Variants in CEP128 observed in about 807,000 individuals in gnomAD.
CEP128 encodes the protein centrosomal protein 128kDa.
In CEP128, 132 loss-of-function variants were observed where a neutral mutation model predicts 156.7. The ratio of observed to expected loss-of-function variants is 0.84; its 90% confidence interval spans 0.73 to 0.97. The LOEUF (loss-of-function observed/expected upper bound fraction) is 0.97, where lower values mean the gene tolerates loss of function less well. Ranked by LOEUF, CEP128 falls within the 50% of genes least tolerant of loss-of-function variation. CEP128 has a pLI of 0.00. For missense variants in CEP128, 1,252 were observed against 1,281.9 expected (o/e 0.98, Z 0.36); for synonymous variants, 469 against 448.9 (o/e 1.04, Z -0.57).
chr14:80,559,967 T>C (rs530601659), intron 20 of CEP128, among the ~76,000 whole-genome samples: 4 of 152,338 alleles, frequency 2.6e-5, no homozygotes, highest in South Asian at 2.1e-4. Context: ...CTCAACTCCA[T>C]AGTTGTATTC....
intron 13 of CEP128, among the ~76,000 whole-genome samples, chr14:80,820,814 T>A (rs1885123912): frequency 6.6e-6 from 1 of 152,242 alleles, no homozygotes; most frequent in Admixed American, 6.5e-5. Context: ...TCTCTTCCTT[T>A]AATGAGAATT....
chr14:80,629,290 T>C (rs1442622420), intron 19 of CEP128, among the ~76,000 whole-genome samples: 1 of 152,170 alleles, frequency 6.6e-6, no homozygotes, highest in East Asian at 1.9e-4. Context: ...CTGTAAAATA[T>C]ACATAAGAAT....
chr14:80,702,480 G>A (rs1376442137), intron 19 of CEP128, among the ~76,000 whole-genome samples: 1 of 152,084 alleles, frequency 6.6e-6, no homozygotes, highest in African/African-American at 2.4e-5. Flanking sequence ...ACTGAGTGAT[G>A]TCTAATGAGA....
At chr14:80,904,314 A>T (rs187624151) in intron 6 of CEP128, among the ~76,000 whole-genome samples, 6 of 152,206 alleles carry the variant, frequency 3.9e-5, no homozygotes, top group African/African-American at 1.2e-4. Flanking sequence ...ATAGAGTAGA[A>T]TAATGGTTAC....
rs142562879 is a variant in CEP128 at position 80,723,562 on chromosome 14, G to A, written c.2806+19513C>T. On this transcript the variant is annotated intron_variant, in intron 19 of 24. Coordinates refer to ENST00000555265, the MANE Select transcript of CEP128 (RefSeq NM_152446.5). ...TGAAAACTTTGAACCATAAATTATAGAGGGAAATCTAGCATAATGGTAGAA... is the reference window on the plus strand; with the variant it reads ...TGAAAACTTTGAACCATAAATTATAAAGGGAAATCTAGCATAATGGTAGAA... 3.3e-5 allele frequency among the ~76,000 whole-genome samples: 5 copies of A among 152,276 alleles called. No individual in the cohort carries two copies. The South Asian group carries it at 1.0e-3, about 32-fold the overall frequency.
intron 21 of CEP128, among the ~76,000 whole-genome samples, chr14:80,537,110 T>C (rs887413322): frequency 6.6e-6 from 1 of 152,162 alleles, no homozygotes; most frequent in African/African-American, 2.4e-5. Context: ...ACAGGTAACA[T>C]ATCTTCACTG....
chr14:80,625,445 T>G (rs1447948333), intron 19 of CEP128, among the ~76,000 whole-genome samples: 3 of 152,166 alleles, frequency 2.0e-5, no homozygotes, highest in Non-Finnish European at 4.4e-5. Flanking sequence ...TTTGGGTTGT[T>G]CATGCCTCTA....
chr14:80,697,750 T>C (rs1896938395), intron 19 of CEP128, among the ~76,000 whole-genome samples: 1 of 152,004 alleles, frequency 6.6e-6, no homozygotes, highest in Non-Finnish European at 1.5e-5. Context: ...CTTTGTTTTA[T>C]CTTATTAAAC....
intron 13 of CEP128, among the ~76,000 whole-genome samples, chr14:80,825,742 A>T (rs540711678): frequency 6.6e-6 from 1 of 152,298 alleles, no homozygotes; most frequent in African/African-American, 2.4e-5. Context: ...TTTCATACAG[A>T]TGAAAGATCT....
At chr14:80,859,453 C>T (rs1449770553) in intron 9 of CEP128, among the ~76,000 whole-genome samples, 4 of 149,508 alleles carry the variant, frequency 2.7e-5, no homozygotes, top group Admixed American at 1.3e-4. Flanking sequence ...TGCTAGATGA[C>T]GAGTTAGTGG....
chr14:80,684,031 A>G (rs182382859), intron 19 of CEP128, among the ~76,000 whole-genome samples: 118 of 152,246 alleles, frequency 7.8e-4, no homozygotes, highest in African/African-American at 2.6e-3. Context: ...CTTCACACCT[A>G]GAGGAGCTGG....
intron 21 of CEP128, among the ~76,000 whole-genome samples, chr14:80,537,843 G>A (rs893194142): frequency 4.6e-5 from 7 of 152,068 alleles, no homozygotes; most frequent in Non-Finnish European, 1.5e-5. Context: ...GATGAACAGA[G>A]GCGGAATATA....
At chr14:80,560,801 G>C (rs1890638763) in intron 20 of CEP128, among the ~76,000 whole-genome samples, 1 of 152,086 alleles carries the variant, frequency 6.6e-6, no homozygotes, top group Non-Finnish European at 1.5e-5. Flanking sequence ...TCAGTTTTGG[G>C]GCTTGGACTG....
intron 4 of CEP128, among the ~76,000 whole-genome samples, chr14:80,912,892 A>G (rs1293902949): frequency 1.3e-5 from 2 of 152,162 alleles, no homozygotes; most frequent in African/African-American, 2.4e-5. Flanking sequence ...TACATATACA[A>G]TGTGATTTTA....
At chr14:80,647,995 A>G (rs765472029) in intron 19 of CEP128, among the ~76,000 whole-genome samples, 1 of 152,124 alleles carries the variant, frequency 6.6e-6, no homozygotes, top group Non-Finnish European at 1.5e-5. Flanking sequence ...AGGTTCTTCT[A>G]GGCTTTACTG....
At chr14:80,720,747 G>A (rs1897786295) in intron 19 of CEP128, among the ~76,000 whole-genome samples, 1 of 152,130 alleles carries the variant, frequency 6.6e-6, no homozygotes, top group South Asian at 2.1e-4. Flanking sequence ...CTTGGTCTAG[G>A]TAGCGGAAAC....
chr14:80,764,207 T>G (rs1437905218), intron 16 of CEP128, among the ~76,000 whole-genome samples: 1 of 152,158 alleles, frequency 6.6e-6, no homozygotes, highest in East Asian at 1.9e-4. Flanking sequence ...CATAGAAAAT[T>G]TCATTATCCG....
chr14:80,906,244 T>C (rs953887944), intron 4 of CEP128, among the ~76,000 whole-genome samples, 163 bp from the exon 5 acceptor site: 5 of 152,212 alleles, frequency 3.3e-5, no homozygotes, highest in African/African-American at 1.2e-4. Context: ...ATAAAAATAG[T>C]AAATACAAAT....
At chr14:80,830,504 A>T (rs969738128) in intron 13 of CEP128, 10 of 285,814 alleles carry the variant, frequency 3.5e-5, no homozygotes, top group Non-Finnish European at 5.8e-5. Flanking sequence ...GCATAATTGT[A>T]ATTTCAATTA....
Sources: allele counts gnomAD v4.1 joint callset (sites outside exome capture counted in the v4.1 genomes callset), GRCh38; gene constraint gnomAD v4.1.1; transcripts MANE v1.5; gene names NCBI Gene and HGNC (gene_info 2026-07-23, HGNC 2026-07-21).